The following SBF2 variants were observed in gnomAD, a reference collection of about 807,000 sequenced individuals.
The protein encoded by SBF2 is SET binding factor 2, also known as myotubularin-related protein 13.
A neutral mutation model predicts 225.2 loss-of-function variants in SBF2; 112 were observed. The ratio of observed to expected loss-of-function variants is 0.50; its 90% confidence interval spans 0.43 to 0.58. The LOEUF is 0.58. Ranked by LOEUF, SBF2 falls within the 20% of genes least tolerant of loss-of-function variation. SBF2 has a pLI of 0.00. For missense variants in SBF2, 1,996 were observed against 2,206.2 expected (o/e 0.90, Z 1.91); for synonymous variants, 763 against 773.3 (o/e 0.99, Z 0.22).
At position 10,072,389 on chromosome 11, in the gene SBF2, C is replaced by A. The variant is rs751392461; in HGVS notation, c.142-29408G>T. ...TTCAAAATCTCTCAGGCCCAACAAC[C>A]TACTCACTTCTTGAAGCTCACTACC... On this transcript the variant is annotated intron_variant, in intron 2 of 39. Transcript: ENST00000256190. 2.0e-5 allele frequency among the ~76,000 whole-genome samples: 3 copies of A among 152,242 alleles called. No individual in the cohort carries two copies. In the East Asian group the frequency reaches 5.8e-4, roughly 29 times the overall value.
At chr11:10,004,752 A>G (rs978680374) in intron 6 of SBF2, among the ~76,000 whole-genome samples, 22 of 152,198 alleles carry the variant, frequency 1.4e-4, no homozygotes, top group African/African-American at 5.3e-4. Flanking sequence ...AAGCCAGACT[A>G]AAGCTTAAGT....
At chr11:10,051,603 C>G (rs1023641390) in intron 2 of SBF2, among the ~76,000 whole-genome samples, 1 of 151,952 alleles carries the variant, frequency 6.6e-6, no homozygotes, top group African/African-American at 2.4e-5. Context: ...GTATGAGATC[C>G]TCTATTTCAC....
chr11:10,026,745 AT>A (rs1240889298), intron 6 of SBF2, among the ~76,000 whole-genome samples: 3 of 151,868 alleles, frequency 2.0e-5, no homozygotes, highest in Admixed American at 6.6e-5. Context: ...CTCCAAAAAA[AT>A]TTTTTTTGTT....
At chr11:10,014,923 A>G (rs1948595161) in intron 6 of SBF2, among the ~76,000 whole-genome samples, 1 of 152,050 alleles carries the variant, frequency 6.6e-6, no homozygotes, top group Admixed American at 6.6e-5. Context: ...TGAGCCCAGG[A>G]GTTTGAGACC....
intron 16 of SBF2, among the ~76,000 whole-genome samples, chr11:9,952,840 T>C (rs1047295339): frequency 6.6e-6 from 1 of 152,192 alleles, no homozygotes; most frequent in African/African-American, 2.4e-5. Context: ...CACAATATGA[T>C]ACCACCCTAT....
intron 1 of SBF2, among the ~76,000 whole-genome samples, chr11:10,258,545 A>T (rs543258835): frequency 3.2e-4 from 48 of 152,336 alleles, no homozygotes; most frequent in Non-Finnish European, 6.2e-4. Flanking sequence ...GTAAAAAAAA[A>T]ATTTCACATG....
chr11:10,041,650 T>A (rs1051574134), intron 3 of SBF2, among the ~76,000 whole-genome samples: 1 of 152,218 alleles, frequency 6.6e-6, no homozygotes, highest in Admixed American at 6.5e-5. Flanking sequence ...GTCTGCATCA[T>A]GAAAGGTAAT....
At chr11:10,143,176 A>ATT (rs201123812) in intron 2 of SBF2, among the ~76,000 whole-genome samples, 1 of 147,382 alleles carries the variant, frequency 6.8e-6, no homozygotes, top group African/African-American at 2.5e-5. Flanking sequence ...GTCAATTATG[A>ATT]TTTTTTTTTT....
At chr11:9,817,148 C>T (rs946892114) in intron 28 of SBF2, 124 bp from the exon 29 acceptor site, 14 of 1,001,546 alleles carry the variant, frequency 1.4e-5, no homozygotes, top group Non-Finnish European at 2.0e-5. Context: ...AATCTAAAAA[C>T]CGTAAGTCAT....
chr11:9,959,489 G>T, intron 16 of SBF2: 1 of 856,230 alleles, frequency 1.2e-6, no homozygotes, highest in Non-Finnish European at 2.0e-6. Context: ...GTCTCTGCAG[G>T]CTTTCGATTG....
chr11:10,185,640 C>A (rs1956906993), intron 2 of SBF2, among the ~76,000 whole-genome samples: 1 of 147,836 alleles, frequency 6.8e-6, no homozygotes, highest in South Asian at 2.1e-4. Flanking sequence ...TTTTTAATAG[C>A]AATAATAATG....
intron 1 of SBF2, among the ~76,000 whole-genome samples, chr11:10,269,950 A>G (rs926561960): frequency 3.3e-5 from 5 of 152,228 alleles, no homozygotes; most frequent in Admixed American, 1.3e-4. Flanking sequence ...TAACTTTTCT[A>G]CTACTAAAAT....
Position 9,789,338 on chromosome 11 carries a change from A to G in SBF2, c.4703T>C (p.Leu1568Pro), listed in dbSNP as rs1852588164. ...GCTAGAGACGTTTACATTGGGCTTT[A>G]GAGCCTGTTAAAGAAAACAGAAATA... ...YLYSPLEIEA[L>P]KPNVNVSSLK... Residue 1568 changes from leucine to proline, a missense_variant, in exon 35 of 40, where the codon CTA becomes CCA. Coordinates refer to ENST00000256190, the MANE Select transcript of SBF2 (RefSeq NM_030962.4). 1 of 1,612,618 alleles carries G rather than the reference A, an allele frequency of 6.2e-7. No homozygotes were observed. Among genetic ancestry groups the G allele is most frequent in the East Asian group, 2.2e-5 (1 of 44,868 alleles).
At chr11:10,114,526 A>T (rs1410089837) in intron 2 of SBF2, among the ~76,000 whole-genome samples, 2 of 152,146 alleles carry the variant, frequency 1.3e-5, no homozygotes, top group African/African-American at 4.8e-5. Flanking sequence ...CTTCCTTCAT[A>T]TTATGTAAGT....
intron 16 of SBF2, among the ~76,000 whole-genome samples, chr11:9,917,275 TTTCC>T (rs1863177247): frequency 6.6e-6 from 1 of 151,634 alleles, no homozygotes; most frequent in Non-Finnish European, 1.5e-5. Flanking sequence ...CTTGAACTGA[TTTCC>T]TTCCTTGGCC....
chr11:9,965,580 G>A (rs768884930), intron 14 of SBF2, among the ~76,000 whole-genome samples: 108 of 152,178 alleles, frequency 7.1e-4, no homozygotes, highest in Non-Finnish European at 1.4e-3. Flanking sequence ...GAGCCACCGC[G>A]CCCAGCCTTA....
intron 2 of SBF2, among the ~76,000 whole-genome samples, chr11:10,140,473 G>T (rs1169439196): frequency 5.3e-5 from 8 of 152,226 alleles, no homozygotes; most frequent in Admixed American, 1.3e-4. Flanking sequence ...ACACATGGAG[G>T]TTCTGAGAGG....
chr11:10,227,221 G>C (rs907991390), intron 1 of SBF2, among the ~76,000 whole-genome samples: 10 of 152,020 alleles, frequency 6.6e-5, no homozygotes, highest in African/African-American at 2.4e-4. Context: ...CTGGATATTA[G>C]ACCTTTGTCA....
chr11:9,894,241 G>A (rs1312834834), intron 17 of SBF2, among the ~76,000 whole-genome samples: 5 of 152,220 alleles, frequency 3.3e-5, no homozygotes, highest in African/African-American at 7.2e-5. Context: ...AAAATCTGCT[G>A]GACATGGTGG....
Sources: allele counts gnomAD v4.1 joint callset (sites outside exome capture counted in the v4.1 genomes callset), GRCh38; gene constraint gnomAD v4.1.1; transcripts MANE v1.5; gene names NCBI Gene and HGNC (gene_info 2026-07-23, HGNC 2026-07-21).